ASIC2: variants seen among roughly 807,000 people sequenced by gnomAD.
ASIC2 encodes acid sensing ion channel subunit 2, also known as acid-sensing ion channel 2.
A neutral mutation model predicts 57.3 loss-of-function variants in ASIC2; 25 were observed. The observed-to-expected ratio is 0.44, with a 90% CI of 0.32 to 0.61. The LOEUF (loss-of-function observed/expected upper bound fraction) is 0.61, where lower values mean the gene tolerates loss of function less well. ASIC2 is among the 20% of genes least tolerant of loss of function. The pLI is 0.06. For synonymous variants in ASIC2, 319 were observed against 307.5 expected, an observed-to-expected ratio of 1.04 and a Z score of -0.39; for missense variants, 641 against 738.1, an observed-to-expected ratio of 0.87 and a Z score of 1.52.
intron 3 of ASIC2, among the ~76,000 whole-genome samples, chr17:33,038,067 T>C (rs2091916327): frequency 6.6e-6 from 1 of 152,160 alleles, no homozygotes; most frequent in Non-Finnish European, 1.5e-5. Context: ...ATGCAGAACC[T>C]CGAACTCCTC....
chr17:33,179,253 C>A (rs1035632701), intron 1 of ASIC2, among the ~76,000 whole-genome samples: 1 of 152,130 alleles, frequency 6.6e-6, no homozygotes, highest in Admixed American at 6.5e-5. Flanking sequence ...CTTAATACCC[C>A]CTGTGAGATT....
chr17:34,123,925 T>C (rs1276504441), intron 1 of ASIC2, among the ~76,000 whole-genome samples: 1 of 151,888 alleles, frequency 6.6e-6, no homozygotes, highest in Non-Finnish European at 1.5e-5. Context: ...TCTACAAAAA[T>C]ACAAAAATTA....
chr17:33,310,399 AC>A (rs2142203973), intron 1 of ASIC2, among the ~76,000 whole-genome samples: 1 of 152,296 alleles, frequency 6.6e-6, no homozygotes, highest in Non-Finnish European at 1.5e-5. Flanking sequence ...TAAGACTTAT[AC>A]ACATCTAGGC....
chr17:33,439,047 T>C (rs1348159165), intron 1 of ASIC2, among the ~76,000 whole-genome samples: 1 of 152,166 alleles, frequency 6.6e-6, no homozygotes, highest in Non-Finnish European at 1.5e-5. Context: ...TCTCGCTATG[T>C]TGCCCAGGCT....
At chr17:33,609,741 T>C (rs1905336639) in intron 1 of ASIC2, among the ~76,000 whole-genome samples, 1 of 152,110 alleles carries the variant, frequency 6.6e-6, no homozygotes, top group South Asian at 2.1e-4. Flanking sequence ...AAGCTCACCT[T>C]ATCTGTGGGG....
rs373809802 is a variant in ASIC2 at position 33,081,740 on chromosome 17, A to G, written c.987+7123T>C. On this transcript the variant is annotated intron_variant, in intron 3 of 9. Transcript: ENST00000225823. Reference sequence around the variant, plus strand: ...AAAAGCAGGCAGTGGGCATCCCACCAAGCTGCTGGGCCTTTTTATTTAGGG... The same window carrying G: ...AAAAGCAGGCAGTGGGCATCCCACCGAGCTGCTGGGCCTTTTTATTTAGGG... 7.2e-5 allele frequency among the ~76,000 whole-genome samples: 11 copies of G among 152,294 alleles called. No homozygotes were observed. The East Asian group carries it at 1.7e-3, about 24-fold the overall frequency.
At chr17:33,168,809 A>G (rs1173156053) in intron 1 of ASIC2, among the ~76,000 whole-genome samples, 1 of 152,224 alleles carries the variant, frequency 6.6e-6, no homozygotes, top group Admixed American at 6.5e-5. Context: ...GCAAAGTGAA[A>G]AGATTTGAAA....
chr17:33,395,849 G>A (rs960848621), intron 1 of ASIC2, among the ~76,000 whole-genome samples: 6 of 151,970 alleles, frequency 3.9e-5, no homozygotes, highest in Non-Finnish European at 7.4e-5. Flanking sequence ...ACCAGTTGAC[G>A]GATTTTGACC....
chr17:33,187,943 G>GA (rs1435662234), intron 1 of ASIC2, among the ~76,000 whole-genome samples: 2 of 144,200 alleles, frequency 1.4e-5, no homozygotes, highest in Non-Finnish European at 3.1e-5. Context: ...AGAAAAAAAA[G>GA]AAAAAACAGA....
intron 1 of ASIC2, among the ~76,000 whole-genome samples, chr17:33,735,373 T>C (rs1036947712): frequency 5.9e-5 from 9 of 152,156 alleles, no homozygotes; most frequent in Non-Finnish European, 8.8e-5. Flanking sequence ...CTTTTCCTGG[T>C]ACAGGCCATT....
At chr17:33,665,177 C>A (rs80022001) in intron 1 of ASIC2, among the ~76,000 whole-genome samples, 2,825 of 152,188 alleles carry the variant, frequency 0.019, 113 homozygotes, top group African/African-American at 0.065. Flanking sequence ...TGTTTATTTC[C>A]TCTCTTCCTC....
intron 1 of ASIC2, among the ~76,000 whole-genome samples, chr17:33,672,238 A>G (rs1907660837): frequency 6.6e-6 from 1 of 152,182 alleles, no homozygotes; most frequent in Non-Finnish European, 1.5e-5. Context: ...AACTTCTTAA[A>G]TTTAAAAAGC....
chr17:33,308,773 A>G (rs1041078416), intron 1 of ASIC2, among the ~76,000 whole-genome samples: 2 of 152,232 alleles, frequency 1.3e-5, no homozygotes, highest in Non-Finnish European at 2.9e-5. Flanking sequence ...TACTGCCTAC[A>G]TACCAACAAC....
intron 1 of ASIC2, among the ~76,000 whole-genome samples, chr17:33,443,056 A>C (rs1259111915): frequency 1.3e-5 from 2 of 152,172 alleles, no homozygotes; most frequent in Non-Finnish European, 2.9e-5. Flanking sequence ...TATTTCTTCT[A>C]TTAATATGGT....
chr17:33,516,313 TA>T (rs1914565386), intron 1 of ASIC2, among the ~76,000 whole-genome samples: 1 of 151,980 alleles, frequency 6.6e-6, no homozygotes, highest in Non-Finnish European at 1.5e-5. Context: ...TTACCAAAGT[TA>T]TTAATCACAG....
chr17:33,694,687 T>C (rs756079624), intron 1 of ASIC2, among the ~76,000 whole-genome samples: 1 of 152,122 alleles, frequency 6.6e-6, no homozygotes. Flanking sequence ...GATAATGTCA[T>C]ATACAGCCAG....
chr17:33,983,538 G>A (rs529288273), intron 1 of ASIC2, among the ~76,000 whole-genome samples: 9 of 152,286 alleles, frequency 5.9e-5, no homozygotes, highest in East Asian at 5.8e-4. Context: ...TGTCTAGAAC[G>A]TGTCACTGAG....
At chr17:33,998,841 C>T (rs1284114781) in intron 1 of ASIC2, among the ~76,000 whole-genome samples, 1 of 152,110 alleles carries the variant, frequency 6.6e-6, no homozygotes, top group African/African-American at 2.4e-5. Flanking sequence ...ATGTATTCTG[C>T]TACTGTCAGA....
intron 1 of ASIC2, among the ~76,000 whole-genome samples, chr17:33,930,181 G>A (rs903803801): frequency 1.3e-5 from 2 of 152,204 alleles, no homozygotes; most frequent in Non-Finnish European, 2.9e-5. Context: ...GTCTTTATCC[G>A]CAAAGCAGGG....
Sources: gnomAD v4.1 joint callset for allele counts (sites outside exome capture counted in the v4.1 genomes callset) on GRCh38, gnomAD v4.1.1 for gene constraint, MANE v1.5 for transcripts, NCBI Gene and HGNC (gene_info 2026-07-23, HGNC 2026-07-21) for gene names.